DCC: variants seen among roughly 807,000 people sequenced by gnomAD.
DCC encodes netrin receptor DCC.
Under a neutral mutation model 172.5 loss-of-function variants are expected in DCC, and 58 were observed. The observed-to-expected ratio is 0.34, with a 90% CI of 0.27 to 0.42. The LOEUF is 0.42. Ranked by LOEUF, DCC falls within the 10% of genes least tolerant of loss-of-function variation. The pLI is 1.00. For missense variants in DCC, 1,740 were observed against 1,791.0 expected (o/e 0.97, Z 0.51); for synonymous variants, 709 against 644.5 (o/e 1.10, Z -1.52).
intron 15 of DCC, among the ~76,000 whole-genome samples, chr18:53,381,117 G>T (rs1907693341): frequency 2.0e-5 from 1 of 50,220 alleles, no homozygotes; most frequent in Non-Finnish European, 6.2e-5. Context: ...AATTTATGGG[G>T]GTTAGGAGAT....
chr18:52,590,908 A>G (rs549258573), intron 1 of DCC, among the ~76,000 whole-genome samples: 4 of 152,340 alleles, frequency 2.6e-5, no homozygotes, highest in Admixed American at 2.6e-4. Flanking sequence ...TATTAGAGTA[A>G]TGGATTACAC....
chr18:52,909,353 A>G (rs922529406), intron 3 of DCC, among the ~76,000 whole-genome samples: 3 of 152,170 alleles, frequency 2.0e-5, no homozygotes, highest in African/African-American at 7.2e-5. Context: ...CTTGAAAGGT[A>G]TATCTTTTCC....
intron 5 of DCC, among the ~76,000 whole-genome samples, chr18:53,020,471 A>G (rs2041864703): frequency 6.6e-6 from 1 of 152,176 alleles, no homozygotes; most frequent in Non-Finnish European, 1.5e-5. Flanking sequence ...TGTTTCGCTC[A>G]AAATTGAACC....
At chr18:53,312,896 G>C (rs2057292404) in intron 13 of DCC, among the ~76,000 whole-genome samples, 1 of 108,824 alleles carries the variant, frequency 9.2e-6, no homozygotes, top group African/African-American at 2.9e-5. Context: ...GAAAGGGAGG[G>C]GAGAGGAGGG....
chr18:52,398,060 A>G (rs978076813), intron 1 of DCC, among the ~76,000 whole-genome samples: 3 of 151,958 alleles, frequency 2.0e-5, no homozygotes, highest in African/African-American at 7.2e-5. Context: ...GAGCAGTAGC[A>G]CCAATTGCTA....
intron 1 of DCC, among the ~76,000 whole-genome samples, chr18:52,407,417 G>A (rs1007133267): frequency 2.0e-5 from 3 of 152,114 alleles, no homozygotes; most frequent in Non-Finnish European, 4.4e-5. Flanking sequence ...GTCCAAAAGA[G>A]GTCTTGGTCT....
At chr18:53,418,689 GTA>G (rs1434470341) in intron 21 of DCC, among the ~76,000 whole-genome samples, 1 of 152,142 alleles carries the variant, frequency 6.6e-6, no homozygotes, top group Non-Finnish European at 1.5e-5. Context: ...CCTAAAAAAA[GTA>G]TCTGTTCAGA....
intron 7 of DCC, among the ~76,000 whole-genome samples, chr18:53,145,604 G>A (rs924745314): frequency 1.3e-5 from 2 of 152,158 alleles, no homozygotes; most frequent in East Asian, 1.9e-4. Flanking sequence ...TATTTCTGCT[G>A]TTGATAGATT....
chr18:52,846,930 T>C (rs2038903428), intron 2 of DCC, among the ~76,000 whole-genome samples: 1 of 152,074 alleles, frequency 6.6e-6, no homozygotes, highest in South Asian at 2.1e-4. Context: ...ATAGGGAATA[T>C]TTCATGGATT....
intron 12 of DCC, among the ~76,000 whole-genome samples, chr18:53,296,649 A>G (rs1443827685): frequency 1.3e-5 from 2 of 152,172 alleles, no homozygotes; most frequent in East Asian, 1.9e-4. Context: ...GGAAATATAC[A>G]TAACTGGGCA....
chr18:52,705,937 A>G (rs1205467202), intron 1 of DCC, among the ~76,000 whole-genome samples: 2 of 152,180 alleles, frequency 1.3e-5, no homozygotes, highest in Admixed American at 6.5e-5. Flanking sequence ...TTATGTCTGT[A>G]TGTTCAAATT....
intron 1 of DCC, among the ~76,000 whole-genome samples, chr18:52,407,851 T>G (rs550669097): frequency 6.6e-6 from 1 of 152,104 alleles, no homozygotes; most frequent in Admixed American, 6.6e-5. Context: ...AAAATACCCA[T>G]GGCCTACATT....
intron 2 of DCC, among the ~76,000 whole-genome samples, chr18:52,785,702 T>C (rs1208250937): frequency 6.6e-6 from 1 of 152,092 alleles, no homozygotes; most frequent in Non-Finnish European, 1.5e-5. Flanking sequence ...TAAATATTAA[T>C]ATAAAAGTAA....
chr18:53,056,539 G>A (rs1215800309), intron 5 of DCC, among the ~76,000 whole-genome samples: 1 of 152,154 alleles, frequency 6.6e-6, no homozygotes, highest in African/African-American at 2.4e-5. Flanking sequence ...TACTGCACTT[G>A]AAATAACCCA....
chr18:52,641,530 A>C (rs2034890826), intron 1 of DCC, among the ~76,000 whole-genome samples: 1 of 152,136 alleles, frequency 6.6e-6, no homozygotes, highest in African/African-American at 2.4e-5. Flanking sequence ...AAAAACAAAC[A>C]ATCTCATCAA....
At chr18:52,972,608 A>G (rs1456010463) in intron 5 of DCC, among the ~76,000 whole-genome samples, 1 of 151,544 alleles carries the variant, frequency 6.6e-6, no homozygotes, top group Admixed American at 6.6e-5. Flanking sequence ...TCATATATTT[A>G]CATATATGAA....
intron 1 of DCC, among the ~76,000 whole-genome samples, chr18:52,469,462 G>A (rs374854062): frequency 6.6e-6 from 1 of 152,078 alleles, no homozygotes; most frequent in African/African-American, 2.4e-5. Flanking sequence ...CTATAGAGAG[G>A]CATTTATATA....
At chr18:53,041,730 A>T (rs971907428) in intron 5 of DCC, among the ~76,000 whole-genome samples, 6 of 151,990 alleles carry the variant, frequency 3.9e-5, no homozygotes, top group African/African-American at 1.2e-4. Context: ...GGTCCTTCAC[A>T]TCCTTTGTAA....
At position 52,948,358 on chromosome 18, in the gene DCC, TATA is replaced by T. The variant is rs200890039; in HGVS notation, c.985+22991_985+22993del. 8.8e-3 allele frequency among the ~76,000 whole-genome samples: 1,342 copies of T among 152,110 alleles called. 26 individuals are homozygous for T. The highest frequency in any genetic ancestry group is 0.029 in the African/African-American group (1,208 of 41,508). On this transcript the variant is annotated intron_variant, in intron 5 of 28. Coordinates refer to ENST00000442544, the MANE Select transcript of DCC (RefSeq NM_005215.4). ...TGTCTTATTTCCCAAAATTGGAAAA[TATA>T]ATGAGACAAGAGCTTCTATCATTAT...
Sources: allele counts gnomAD v4.1 joint callset (sites outside exome capture counted in the v4.1 genomes callset), GRCh38; gene constraint gnomAD v4.1.1; transcripts MANE v1.5; gene names NCBI Gene and HGNC (gene_info 2026-07-23, HGNC 2026-07-21).